Variants in GRIA4 observed in about 807,000 individuals in gnomAD.
GRIA4 encodes the protein glutamate receptor 4.
In GRIA4, 34 loss-of-function variants were observed where a neutral mutation model predicts 104.0. The observed-to-expected ratio is 0.33, with a 90% CI of 0.25 to 0.44. The LOEUF is 0.44. Ranked by LOEUF, GRIA4 falls within the 20% of genes least tolerant of loss-of-function variation. GRIA4 has a pLI of 1.00. For synonymous variants in GRIA4, 386 were observed against 381.9 expected (o/e 1.01, Z -0.13); for missense variants, 750 against 1,096.5 (o/e 0.68, Z 4.46).
intron 4 of GRIA4, among the ~76,000 whole-genome samples, chr11:105,814,932 C>G (rs1943317962): frequency 6.6e-6 from 1 of 152,148 alleles, no homozygotes; most frequent in African/African-American, 2.4e-5. Flanking sequence ...CTACAGTGTT[C>G]CCTTCCCAGC....
rs114378121 is a variant in GRIA4, at chr11:105,650,889, A to G, written c.247+38455A>G. ...ACAACACGTGAATAATAAGAAAATT[A>G]TCTCTAACAGGCCCCTCTTCTAGCA... is the stretch of plus-strand genomic sequence containing the variant. On this transcript the variant is annotated intron_variant, in intron 3 of 16. Coordinates refer to ENST00000282499, the MANE Select transcript of GRIA4 (RefSeq NM_000829.4). 3.4e-3 allele frequency among the ~76,000 whole-genome samples: 515 copies of G among 152,318 alleles called. 4 individuals carry two copies. The highest frequency in any genetic ancestry group is 0.012 in the African/African-American group (492 of 41,574).
At chr11:105,693,931 A>G (rs1953177735) in intron 3 of GRIA4, among the ~76,000 whole-genome samples, 1 of 152,176 alleles carries the variant, frequency 6.6e-6, no homozygotes, top group African/African-American at 2.4e-5. Flanking sequence ...AATGTTTGCT[A>G]TCTGGTCTTT....
At chr11:105,811,925 T>C (rs1943187040) in intron 4 of GRIA4, among the ~76,000 whole-genome samples, 1 of 152,162 alleles carries the variant, frequency 6.6e-6, no homozygotes, top group Admixed American at 6.5e-5. Flanking sequence ...ACCCATTTGA[T>C]CTGTTCCTAC....
intron 4 of GRIA4, among the ~76,000 whole-genome samples, chr11:105,826,725 T>A (rs1943784168): frequency 6.6e-6 from 1 of 152,038 alleles, no homozygotes; most frequent in Non-Finnish European, 1.5e-5. Context: ...GGAACTGTTT[T>A]CTGATAGGGA....
At chr11:105,815,726 T>C (rs1222374672) in intron 4 of GRIA4, among the ~76,000 whole-genome samples, 4 of 152,196 alleles carry the variant, frequency 2.6e-5, no homozygotes, top group Admixed American at 2.0e-4. Context: ...TTCTCACTTC[T>C]AAAGCATTAA....
intron 3 of GRIA4, among the ~76,000 whole-genome samples, chr11:105,701,204 C>T (rs1953476411): frequency 6.6e-6 from 1 of 152,164 alleles, no homozygotes; most frequent in Admixed American, 6.6e-5. Flanking sequence ...ATTTGCCACA[C>T]AGTGATGAAA....
At chr11:105,979,324 G>C (rs1469101757) in intron 16 of GRIA4, among the ~76,000 whole-genome samples, 1 of 152,198 alleles carries the variant, frequency 6.6e-6, no homozygotes, top group Admixed American at 6.5e-5. Context: ...TTTACTAACA[G>C]TAGTTAAATA....
intron 3 of GRIA4, among the ~76,000 whole-genome samples, chr11:105,651,707 A>G (rs540460824): frequency 1.3e-4 from 19 of 151,780 alleles, no homozygotes; most frequent in Non-Finnish European, 2.4e-4. Context: ...TCCTCTGCAC[A>G]CTTCTGCTTG....
intron 4 of GRIA4, among the ~76,000 whole-genome samples, chr11:105,783,497 T>C (rs1941818029): frequency 1.3e-5 from 2 of 152,316 alleles, no homozygotes; most frequent in South Asian, 2.1e-4. Flanking sequence ...ATAATGCCAG[T>C]GCAGAAGTAT....
At position 105,908,218 on chromosome 11, in the gene GRIA4, G is replaced by A. The variant is rs566165705; in HGVS notation, c.1159-2217G>A. 6.6e-5 allele frequency among the ~76,000 whole-genome samples: 10 copies of A among 152,220 alleles called. No homozygotes were observed. The South Asian group carries it at 1.9e-3, about 28-fold the overall frequency. ...ACATTTGCATACAAATCACCTTTAGGAGTCCAAAGAAGGTGAATATTTTTC... is the reference window on the plus strand; with the variant it reads ...ACATTTGCATACAAATCACCTTTAGAAGTCCAAAGAAGGTGAATATTTTTC... On this transcript the variant is annotated intron_variant, in intron 9 of 16. Transcript: ENST00000282499.
At chr11:105,666,317 C>A (rs1212446009) in intron 3 of GRIA4, among the ~76,000 whole-genome samples, 1 of 151,968 alleles carries the variant, frequency 6.6e-6, no homozygotes, top group Non-Finnish European at 1.5e-5. Flanking sequence ...ACTATGCTTA[C>A]AATAAAACAT....
intron 3 of GRIA4, among the ~76,000 whole-genome samples, chr11:105,653,115 G>A (rs919539631): frequency 2.1e-4 from 32 of 152,276 alleles, no homozygotes; most frequent in Admixed American, 5.2e-4. Context: ...GTTTCACCGT[G>A]CTAGCCAGGA....
chr11:105,684,546 CATATAT>C (rs72399419), intron 3 of GRIA4, among the ~76,000 whole-genome samples: 582 of 144,986 alleles, frequency 4.0e-3, no homozygotes, highest in African/African-American at 0.014. Flanking sequence ...TATATATATA[CATATAT>C]ATATATATAC....
At chr11:105,788,031 T>G (rs1942051193) in intron 4 of GRIA4, among the ~76,000 whole-genome samples, 5 of 152,122 alleles carry the variant, frequency 3.3e-5, no homozygotes. Flanking sequence ...TAGTCAAGGT[T>G]TGATCAGTAA....
intron 4 of GRIA4, among the ~76,000 whole-genome samples, chr11:105,768,689 G>A (rs1223955431): frequency 6.6e-6 from 1 of 152,014 alleles, no homozygotes; most frequent in African/African-American, 2.4e-5. Flanking sequence ...TAGTAGGAAG[G>A]TGAGGGCCTT....
At position 105,958,372 on chromosome 11, in the gene GRIA4, A is replaced by G. The variant is rs185741518; in HGVS notation, c.2295-13542A>G. On this transcript the variant is annotated intron_variant, in intron 14 of 16. Transcript: ENST00000282499. ...CTTTTCTGCATCTGTTGAGATAATC[A>G]TGTGGTTTTTGTCTTTGGTTCTGTT... 1.6e-3 allele frequency among the ~76,000 whole-genome samples: 242 copies of G among 152,284 alleles called. 1 individual carries two copies. The highest frequency in any genetic ancestry group is 5.7e-3 in the African/African-American group (236 of 41,544).
chr11:105,937,873 A>G (rs552726636), intron 14 of GRIA4, among the ~76,000 whole-genome samples: 8 of 152,342 alleles, frequency 5.3e-5, no homozygotes, highest in Non-Finnish European at 7.4e-5. Context: ...GGCAATGCCA[A>G]ATTGCAGGAA....
intron 3 of GRIA4, among the ~76,000 whole-genome samples, chr11:105,749,939 T>A (rs1939900388): frequency 6.6e-6 from 1 of 152,200 alleles, no homozygotes; most frequent in African/African-American, 2.4e-5. Context: ...TAATTCCCGT[T>A]TATTTTGCCA....
rs1859214386 is a variant in GRIA4, at chr11:105,980,463, G to A, written c.*724G>A. The stretch of plus-strand genomic sequence containing the variant: ...AGACTTTTTTTTATAAAAGTTGTTG[G>A]TCATCTTCTTGTTTGCTGTAACCTT... On this transcript the variant is annotated 3_prime_UTR_variant, in exon 17 of 17. Transcript: ENST00000282499. 1 of 152,464 alleles carries A rather than the reference G, an allele frequency of 6.6e-6. No homozygotes were observed. The highest frequency in any genetic ancestry group is 2.4e-5 in the African/African-American group (1 of 41,388). The allele number at this position is 152,464 out of a possible 1,614,324, so 9.4% of individuals were successfully genotyped here. A position where few individuals can be genotyped will look rare whatever the true frequency, so the allele number is the denominator to read the frequency against.
Sources: allele counts gnomAD v4.1 joint callset (sites outside exome capture counted in the v4.1 genomes callset), GRCh38; gene constraint gnomAD v4.1.1; transcripts MANE v1.5; gene names NCBI Gene and HGNC (gene_info 2026-07-23, HGNC 2026-07-21).